Variants in TTC23 observed in about 807,000 individuals in gnomAD.
TTC23 encodes the protein tetratricopeptide repeat domain 23.
A neutral mutation model predicts 55.1 loss-of-function variants in TTC23; 58 were observed. The ratio of observed to expected loss-of-function variants is 1.05; its 90% CI spans 0.85 to 1.31. The LOEUF is 1.31. Ranked by LOEUF, TTC23 falls within the 50% of genes most tolerant of loss-of-function variation. TTC23 has a pLI of 0.00. For synonymous variants in TTC23, 203 were observed against 199.9 expected (o/e 1.02, Z -0.13); for missense variants, 516 against 534.4 (o/e 0.97, Z 0.34).
chr15:99,242,406 A>C (rs192949297), intron 2 of TTC23, among the ~76,000 whole-genome samples: 10 of 152,334 alleles, frequency 6.6e-5, no homozygotes, highest in Admixed American at 4.6e-4. Flanking sequence ...TCAGTGATGT[A>C]TTCTACCAAA....
intron 1 of TTC23, among the ~76,000 whole-genome samples, chr15:99,246,218 C>G (rs1455846469): frequency 6.6e-6 from 1 of 152,192 alleles, no homozygotes; most frequent in Non-Finnish European, 1.5e-5. Context: ...TCAAAAGACA[C>G]TATTATTAAA....
intron 9 of TTC23, among the ~76,000 whole-genome samples, chr15:99,179,947 A>C (rs889498012): frequency 2.0e-5 from 3 of 152,192 alleles, no homozygotes; most frequent in African/African-American, 7.2e-5. Context: ...ATTGTTCACA[A>C]TTTTCAAACA....
chr15:99,183,106 T>C (rs2074306650), intron 9 of TTC23, among the ~76,000 whole-genome samples: 1 of 152,198 alleles, frequency 6.6e-6, no homozygotes, highest in South Asian at 2.1e-4. Flanking sequence ...ACTTGTGGAA[T>C]GGCTTTGGCC....
intron 3 of TTC23, among the ~76,000 whole-genome samples, chr15:99,236,764 T>C (rs896847155): frequency 4.7e-4 from 72 of 152,234 alleles, no homozygotes; most frequent in African/African-American, 1.6e-3. Context: ...TGCTAGACCT[T>C]AACCCCGTAT....
At chr15:99,171,559 C>CTTTTTTTTTTTTTTTTTTTTTT in intron 10 of TTC23, among the ~76,000 whole-genome samples, 1 of 92,302 alleles carries the variant, frequency 1.1e-5, no homozygotes, top group Non-Finnish European at 2.0e-5. Flanking sequence ...GTCTCTCCGT[C>CTTTTTTTTTTTTTTTTTTTTTT]TTTTTTTTTT....
In TTC23 at chr15:99,228,065, G is replaced by C. The variant is rs529048466; in HGVS notation, c.180+468C>G. Among the ~76,000 whole-genome samples, 9 of 152,282 alleles carry C rather than the reference G, an allele frequency of 5.9e-5. No individual in the cohort carries two copies. The East Asian group carries it at 1.5e-3, about 26-fold the overall frequency. On this transcript the variant is annotated intron_variant, in intron 5 of 13. Coordinates refer to ENST00000394132, the MANE Select transcript of TTC23 (RefSeq NM_001288615.3). The stretch of plus-strand genomic sequence containing the variant: ...CTTCTGTGCCCCTGGCACCTACATT[G>C]CACCTGGCACATATTAGTCATACAA...
chr15:99,222,025 G>T (rs2077980380), intron 5 of TTC23, among the ~76,000 whole-genome samples, 161 bp from the exon 6 acceptor site: 1 of 152,066 alleles, frequency 6.6e-6, no homozygotes, highest in South Asian at 2.1e-4. Flanking sequence ...AACAGACAAA[G>T]ATCTATTTGG....
At chr15:99,225,509 G>A (rs2078324849) in intron 5 of TTC23, among the ~76,000 whole-genome samples, 1 of 152,186 alleles carries the variant, frequency 6.6e-6, no homozygotes, top group Admixed American at 6.5e-5. Context: ...GGAGCCAGCT[G>A]GAAGGGTCTC....
chr15:99,143,448 C>T lies in TTC23; in HGVS notation c.1144-4049G>A, dbSNP rs950650149. On this transcript the variant is annotated intron_variant, in intron 12 of 13. Coordinates refer to ENST00000394132, the MANE Select transcript of TTC23 (RefSeq NM_001288615.3). ...ACATGTCGCTGAGCTAAGTAAAGAA[C>T]TCGCCAAACCTTGACAGTAGAACAT... Among the ~76,000 whole-genome samples, 65 of 152,206 alleles carry T rather than the reference C, an allele frequency of 4.3e-4. 2 individuals are homozygous for T. Among genetic ancestry groups the T allele is most frequent in the Admixed American group, 4.3e-3 (65 of 15,280 alleles).
Position 99,153,968 on chromosome 15 carries a change from A to C in TTC23, c.1143+2180T>G, listed in dbSNP as rs550911059. Among the ~76,000 whole-genome samples the C allele has an allele frequency of 2.8e-4, 43 of 152,348 alleles. 1 individual carries two copies. The highest frequency in any genetic ancestry group is 1.0e-3 in the African/African-American group (43 of 41,584). On this transcript the variant is annotated intron_variant, in intron 12 of 13. Coordinates refer to ENST00000394132, the MANE Select transcript of TTC23 (RefSeq NM_001288615.3). ...CACTTTTCAAATCTCCATGCAAATA[A>C]ATCTGAAAATATAAGTGAAATGGAT...
chr15:99,233,843 T>C (rs907636505), intron 4 of TTC23, among the ~76,000 whole-genome samples: 1 of 152,188 alleles, frequency 6.6e-6, no homozygotes, highest in Non-Finnish European at 1.5e-5. Context: ...AGACAAGCAA[T>C]GGAACAGAAT....
rs1173575704 is a variant in TTC23, at chr15:99,249,216, C to T, written c.-476G>A. On this transcript the variant is annotated 5_prime_UTR_variant, in exon 1 of 14. Transcript: ENST00000394132. Reference sequence around the variant, plus strand: ...ATCTGGGCATGATGCTTTCAAACTTCACCCTAAAGAGAAAAATGCTCTCTG... The same window carrying T: ...ATCTGGGCATGATGCTTTCAAACTTTACCCTAAAGAGAAAAATGCTCTCTG... The T allele has an allele frequency of 6.6e-6, 1 of 152,150 alleles. No homozygotes were observed. Among genetic ancestry groups the T allele is most frequent in the African/African-American group, 2.4e-5 (1 of 41,434 alleles). 9.4% of individuals were successfully genotyped at this position (152,150 alleles called of 1,614,324 possible). A position where few individuals can be genotyped will look rare whatever the true frequency, so the allele number is the denominator to read the frequency against.
intron 9 of TTC23, among the ~76,000 whole-genome samples, chr15:99,198,817 A>C (rs563963078): frequency 6.6e-6 from 1 of 152,358 alleles, no homozygotes; most frequent in South Asian, 2.1e-4. Flanking sequence ...AGAAATATTA[A>C]TGAAGTACTC....
rs145000695 is a variant in TTC23 at position 99,153,132 on chromosome 15, G to A, written c.1143+3016C>T. Among the ~76,000 whole-genome samples the A allele has an allele frequency of 3.1e-3, 473 of 152,312 alleles. 1 individual carries two copies. The highest frequency in any genetic ancestry group is 0.01 in the African/African-American group (416 of 41,566). On this transcript the variant is annotated intron_variant, in intron 12 of 13. Coordinates refer to ENST00000394132, the MANE Select transcript of TTC23 (RefSeq NM_001288615.3). ...CTCTTACTATATGGAGGTGACACAT[G>A]GGCAAACGCAGGGAACCTGCCACCC...
intron 4 of TTC23, among the ~76,000 whole-genome samples, chr15:99,229,477 C>G (rs573105328): frequency 1.3e-5 from 2 of 152,226 alleles, no homozygotes; most frequent in South Asian, 4.1e-4. Flanking sequence ...GGAAACAGCA[C>G]AGGGAAGAGG....
At chr15:99,154,469 G>A (rs537878579) in intron 12 of TTC23, among the ~76,000 whole-genome samples, 43 of 152,114 alleles carry the variant, frequency 2.8e-4, no homozygotes, top group Non-Finnish European at 5.0e-4. Context: ...CTTGGGAGTG[G>A]TTTGGTTATG....
At chr15:99,219,666 G>A (rs2077754834) in intron 6 of TTC23, among the ~76,000 whole-genome samples, 1 of 152,096 alleles carries the variant, frequency 6.6e-6, no homozygotes, top group Non-Finnish European at 1.5e-5. Flanking sequence ...GAATTCCCCA[G>A]TGTGTTCCAG....
chr15:99,138,336 CAG>C (rs1280319925), intron 13 of TTC23, among the ~76,000 whole-genome samples: 2 of 150,894 alleles, frequency 1.3e-5, no homozygotes, highest in Admixed American at 6.6e-5. Flanking sequence ...TTTTTTCAGA[CAG>C]AGTCTCACTC....
chr15:99,246,548 G>C (rs954370464), intron 1 of TTC23, among the ~76,000 whole-genome samples: 1 of 151,908 alleles, frequency 6.6e-6, no homozygotes, highest in African/African-American at 2.4e-5. Context: ...CTAGGAGGCA[G>C]AGGTTGCAGT....
Sources: allele counts gnomAD v4.1 joint callset (sites outside exome capture counted in the v4.1 genomes callset), GRCh38; gene constraint gnomAD v4.1.1; transcripts MANE v1.5; gene names NCBI Gene and HGNC (gene_info 2026-07-23, HGNC 2026-07-21).